NOL4: variants seen among roughly 807,000 people sequenced by gnomAD.
The protein encoded by NOL4 is nucleolar protein 4.
Under a neutral mutation model 75.9 loss-of-function variants are expected in NOL4, and 17 were observed. The ratio of observed to expected loss-of-function variants is 0.22; its 90% CI spans 0.15 to 0.34. NOL4 has a LOEUF of 0.34. Among genes scored for constraint, NOL4 ranks in the 10% least tolerant of loss-of-function variants. The probability of loss-of-function intolerance (pLI) is 1.00; values close to 1 mark genes in which losing one functional copy is unlikely to be tolerated. For missense variants in NOL4, 614 were observed against 793.5 expected (o/e 0.77, Z 2.72); for synonymous variants, 292 against 289.9 (o/e 1.01, Z -0.07).
chr18:34,048,380 A>G, intron 5 of NOL4: 1 of 888,386 alleles, frequency 1.1e-6, no homozygotes, highest in Non-Finnish European at 1.3e-6. Flanking sequence ...GACAGTCTTC[A>G]ACAAGACTTA....
At chr18:34,094,044 A>AAAAC (rs912156160) in intron 4 of NOL4, among the ~76,000 whole-genome samples, 100 of 152,292 alleles carry the variant, frequency 6.6e-4, no homozygotes, top group Admixed American at 3.0e-3. Context: ...TCGTCTCAAA[A>AAAAC]AAACAAACAA....
intron 9 of NOL4, among the ~76,000 whole-genome samples, chr18:33,914,608 G>A (rs1402772894): frequency 7.9e-5 from 12 of 152,104 alleles, no homozygotes; most frequent in Admixed American, 7.9e-4. Flanking sequence ...GATGAGTCAT[G>A]ATGGTGAGTT....
intron 1 of NOL4, among the ~76,000 whole-genome samples, chr18:34,214,153 G>A (rs1350218125): frequency 6.6e-6 from 1 of 152,114 alleles, no homozygotes; most frequent in Admixed American, 6.5e-5. Flanking sequence ...TGTTCTCTGA[G>A]AGGCAATATG....
chr18:33,859,706 G>C (rs1307632834), intron 10 of NOL4, among the ~76,000 whole-genome samples: 1 of 152,096 alleles, frequency 6.6e-6, no homozygotes, highest in Non-Finnish European at 1.5e-5. Context: ...ATCACTTGTG[G>C]TCAGGTGTAC....
intron 1 of NOL4, among the ~76,000 whole-genome samples, chr18:34,216,149 CAG>C (rs2036872598): frequency 6.6e-6 from 1 of 152,108 alleles, no homozygotes; most frequent in South Asian, 2.1e-4. Flanking sequence ...AAGTCATAAA[CAG>C]GGGCACAGTT....
At chr18:34,018,710 T>G (rs917588522) in intron 6 of NOL4, among the ~76,000 whole-genome samples, 1 of 152,168 alleles carries the variant, frequency 6.6e-6, no homozygotes, top group African/African-American at 2.4e-5. Context: ...TTTATTCTAA[T>G]ATTAATATAA....
chr18:34,050,135 C>T (rs2076569135), intron 5 of NOL4, among the ~76,000 whole-genome samples: 1 of 152,020 alleles, frequency 6.6e-6, no homozygotes, highest in South Asian at 2.1e-4. Context: ...TACATATGTA[C>T]CCACTTCACA....
intron 1 of NOL4, among the ~76,000 whole-genome samples, chr18:34,132,488 CA>C (rs1447825436): frequency 2.0e-5 from 3 of 152,138 alleles, no homozygotes; most frequent in African/African-American, 7.2e-5. Context: ...ATTAAAATCA[CA>C]TATTTGTGGA....
chr18:33,952,582 G>T (rs2069313414), intron 8 of NOL4, among the ~76,000 whole-genome samples: 1 of 152,154 alleles, frequency 6.6e-6, no homozygotes, highest in Non-Finnish European at 1.5e-5. Flanking sequence ...TTGAAGCTAG[G>T]TCTCTCAGTT....
At chr18:34,139,089 T>C (rs1457762063) in intron 1 of NOL4, among the ~76,000 whole-genome samples, 4 of 152,336 alleles carry the variant, frequency 2.6e-5, no homozygotes, top group African/African-American at 7.2e-5. Flanking sequence ...CAGTATTTTA[T>C]TGAGGATTTT....
intron 6 of NOL4, among the ~76,000 whole-genome samples, chr18:34,000,252 C>T (rs990801715): frequency 6.6e-6 from 1 of 152,094 alleles, no homozygotes; most frequent in African/African-American, 2.4e-5. Flanking sequence ...TGCTCAGGAG[C>T]TGGCCAGTTG....
intron 7 of NOL4, 120 bp from the exon 8 acceptor site, chr18:33,957,637 T>G: frequency 1.4e-6 from 1 of 723,536 alleles, no homozygotes; most frequent in Non-Finnish European, 2.1e-6. Flanking sequence ...CTGGAGAACT[T>G]TGCAATGGAA....
intron 5 of NOL4, among the ~76,000 whole-genome samples, chr18:34,029,267 C>G (rs1377025468): frequency 1.3e-5 from 2 of 152,106 alleles, no homozygotes; most frequent in Non-Finnish European, 2.9e-5. Flanking sequence ...ACATTCTAGT[C>G]TTGGGTCCCT....
intron 2 of NOL4, among the ~76,000 whole-genome samples, chr18:34,119,654 C>T (rs535805178): frequency 5.3e-5 from 8 of 152,170 alleles, no homozygotes; most frequent in Admixed American, 1.3e-4. Flanking sequence ...AGGAGTCTCG[C>T]TCTGTCGCCC....
chr18:34,050,715 C>T (rs1345615485), intron 5 of NOL4, among the ~76,000 whole-genome samples: 1 of 151,972 alleles, frequency 6.6e-6, no homozygotes, highest in African/African-American at 2.4e-5. Flanking sequence ...ACATAATATT[C>T]AGCAGATCTG....
chr18:34,100,260 G>A (rs979650930), intron 4 of NOL4, among the ~76,000 whole-genome samples: 13 of 151,732 alleles, frequency 8.6e-5, no homozygotes, highest in African/African-American at 2.9e-4. Context: ...ATTTTCCTCT[G>A]CTACATGAAT....
At chr18:34,206,392 A>C (rs973133355) in intron 1 of NOL4, among the ~76,000 whole-genome samples, 1 of 152,150 alleles carries the variant, frequency 6.6e-6, no homozygotes, top group Non-Finnish European at 1.5e-5. Flanking sequence ...TCCTTGTAAT[A>C]TCATATCTAT....
chr18:33,975,049 T>A (rs780352540), intron 6 of NOL4, among the ~76,000 whole-genome samples: 1 of 147,262 alleles, frequency 6.8e-6, no homozygotes, highest in East Asian at 2.0e-4. Context: ...CATTACACTA[T>A]GTTAAATAAG....
intron 6 of NOL4, among the ~76,000 whole-genome samples, chr18:33,992,404 A>G (rs2072986103): frequency 6.6e-6 from 1 of 152,026 alleles, no homozygotes; most frequent in Non-Finnish European, 1.5e-5. Context: ...ATACCTCAGC[A>G]AAATTGGTGA....
Sources: gnomAD v4.1 joint callset for allele counts (sites outside exome capture counted in the v4.1 genomes callset) on GRCh38, gnomAD v4.1.1 for gene constraint, MANE v1.5 for transcripts, NCBI Gene and HGNC (gene_info 2026-07-23, HGNC 2026-07-21) for gene names.